Variants in DSCAML1 observed in about 807,000 individuals in gnomAD.
DSCAML1 encodes the protein DS cell adhesion molecule like 1, also known as cell adhesion molecule DSCAML1.
DSCAML1 carries 38 observed loss-of-function variants against 200.5 expected under a neutral mutation model. The observed-to-expected ratio is 0.19, with a 90% CI of 0.15 to 0.25. The LOEUF (loss-of-function observed/expected upper bound fraction) is 0.25, where lower values mean the gene tolerates loss of function less well. Ranked by LOEUF, DSCAML1 falls within the 10% of genes least tolerant of loss-of-function variation. DSCAML1 has a pLI of 1.00. For synonymous variants in DSCAML1, 1,215 were observed against 1,165.0 expected, an observed-to-expected ratio of 1.04 and a Z score of -0.87; for missense variants, 2,223 against 2,858.8, an observed-to-expected ratio of 0.78 and a Z score of 5.07.
rs114677767 is a variant in DSCAML1 at position 117,436,293 on chromosome 11, C to T, written c.4721-494G>A. 1.4e-3 allele frequency among the ~76,000 whole-genome samples: 206 copies of T among 152,256 alleles called. 1 individual carries two copies. The highest frequency in any genetic ancestry group is 4.8e-3 in the African/African-American group (200 of 41,542). On this transcript the variant is annotated intron_variant, in intron 26 of 32. Transcript: ENST00000651296. ...GGGCCATATCTGTTAACCTGGGGCT[C>T]CTGTGGGGAAGCATGGCAAGTTCTC...
chr11:117,709,644 A>C (rs1476436104), intron 3 of DSCAML1: 2 of 454,516 alleles, frequency 4.4e-6, no homozygotes, highest in Admixed American at 2.4e-5. Context: ...AGGGTTACAG[A>C]ACCATAATCC....
intron 20 of DSCAML1, among the ~76,000 whole-genome samples, chr11:117,444,244 C>T (rs561137038): frequency 6.6e-6 from 1 of 152,190 alleles, no homozygotes; most frequent in Admixed American, 6.5e-5. Flanking sequence ...ATGGGCCTGC[C>T]TCGCGGTGTT....
intron 4 of DSCAML1, among the ~76,000 whole-genome samples, chr11:117,532,081 T>C (rs986278166): frequency 3.3e-5 from 5 of 150,108 alleles, no homozygotes; most frequent in Non-Finnish European, 7.4e-5. Context: ...CACTAATAGT[T>C]ACTATGTTTG....
At chr11:117,600,195 A>G (rs907744696) in intron 3 of DSCAML1, among the ~76,000 whole-genome samples, 1 of 152,182 alleles carries the variant, frequency 6.6e-6, no homozygotes, top group African/African-American at 2.4e-5. Context: ...CCACCCTCAC[A>G]TCTTCCGTTG....
chr11:117,635,957 T>C (rs1199802667), intron 3 of DSCAML1, among the ~76,000 whole-genome samples: 1 of 152,114 alleles, frequency 6.6e-6, no homozygotes, highest in Non-Finnish European at 1.5e-5. Flanking sequence ...CCTCAGCCCT[T>C]CATTTCTTTC....
Position 117,504,887 on chromosome 11 carries a change from G to T in DSCAML1, c.2182+37C>A, listed in dbSNP as rs775337426. ...AGAGCATCCTCCGTTCCCCGTCCCT[G>T]CCCTTCTTGGAGATTCTGGCTGGGC... On this transcript the variant is annotated intron_variant, in intron 10 of 32. Coordinates refer to ENST00000651296, the MANE Select transcript of DSCAML1 (RefSeq NM_020693.4). The surrounding 1 kb of genome is among the most constrained non-coding windows in gnomAD (Gnocchi z 5.0). 6.3e-7 allele frequency: 1 copy of T among 1,580,570 alleles called. No homozygotes were observed. Among genetic ancestry groups the T allele is most frequent in the South Asian group, 1.2e-5 (1 of 85,570 alleles).
intron 1 of DSCAML1, among the ~76,000 whole-genome samples, chr11:117,792,724 C>A (rs576094356): frequency 6.6e-6 from 1 of 152,260 alleles, no homozygotes; most frequent in East Asian, 1.9e-4. Flanking sequence ...GTGCACCCAC[C>A]AGGAATCTAA....
At position 117,771,161 on chromosome 11, in the gene DSCAML1, C is replaced by T. The variant is rs76885652; in HGVS notation, c.511+5630G>A. On this transcript the variant is annotated intron_variant, in intron 3 of 32. Transcript: ENST00000651296. ...CCCCTCTCTGTGCCCATCTCCCATT[C>T]GAGTTGGTGTAGATTCGTGGGAGCC... 1.6e-3 allele frequency among the ~76,000 whole-genome samples: 247 copies of T among 152,298 alleles called. 2 individuals carry two copies. Among genetic ancestry groups the T allele is most frequent in the African/African-American group, 5.7e-3 (238 of 41,566 alleles).
At chr11:117,813,948 C>G (rs1453359313) in intron 1 of DSCAML1, among the ~76,000 whole-genome samples, 7 of 152,232 alleles carry the variant, frequency 4.6e-5, no homozygotes, top group Non-Finnish European at 1.0e-4. Flanking sequence ...TGACTTGCAC[C>G]TATACGCCCA....
chr11:117,471,679 C>T (rs989479931), intron 15 of DSCAML1, among the ~76,000 whole-genome samples, 190 bp downstream of exon 15: 2 of 127,996 alleles, frequency 1.6e-5, no homozygotes, highest in Admixed American at 7.3e-5. Flanking sequence ...GTATCTAGAA[C>T]CCCGCTTGGA....
chr11:117,733,317 G>T (rs1329110231), intron 3 of DSCAML1, among the ~76,000 whole-genome samples: 1 of 152,160 alleles, frequency 6.6e-6, no homozygotes, highest in African/African-American at 2.4e-5. Context: ...AAGGAAGCAT[G>T]GTCTGGTAGC....
intron 4 of DSCAML1, among the ~76,000 whole-genome samples, chr11:117,526,903 T>A (rs1797204213): frequency 6.6e-6 from 1 of 152,148 alleles, no homozygotes; most frequent in African/African-American, 2.4e-5. Flanking sequence ...TTTGGGAGGC[T>A]GAGGTGGGAA....
chr11:117,467,193 A>ACCCCCCCCCCCCCCCCCCCCCCCCC (rs757481843), intron 16 of DSCAML1, among the ~76,000 whole-genome samples: 3 of 109,516 alleles, frequency 2.7e-5, no homozygotes, highest in Admixed American at 1.0e-4. Context: ...GTGCACACAC[A>ACCCCCCCCCCCCCCCCCCCCCCCCC]CCTCCCCCCT....
rs2054490331 is a variant in DSCAML1 at position 117,744,936 on chromosome 11, C to T, written c.511+31855G>A. 2.0e-5 allele frequency among the ~76,000 whole-genome samples: 3 copies of T among 152,372 alleles called. No homozygotes were observed. The South Asian group carries it at 6.2e-4, about 32-fold the overall frequency. On this transcript the variant is annotated intron_variant, in intron 3 of 32. Coordinates refer to ENST00000651296, the MANE Select transcript of DSCAML1 (RefSeq NM_020693.4). ...GTCTCACCCCAGCAGGGAGGGCGGGCCAACCCAGAGGACGTGCTGCCCAGA... is the reference window on the plus strand; with the variant it reads ...GTCTCACCCCAGCAGGGAGGGCGGGTCAACCCAGAGGACGTGCTGCCCAGA...
chr11:117,643,811 C>A (rs1266715494), intron 3 of DSCAML1, among the ~76,000 whole-genome samples: 3 of 152,212 alleles, frequency 2.0e-5, no homozygotes, highest in African/African-American at 4.8e-5. Flanking sequence ...CACACATCCT[C>A]TCACATGACC....
At chr11:117,532,886 A>C (rs2050107057) in intron 3 of DSCAML1, among the ~76,000 whole-genome samples, 1 of 152,028 alleles carries the variant, frequency 6.6e-6, no homozygotes, top group African/African-American at 2.4e-5. Context: ...ATGCTTTGGG[A>C]GGCTGAGGCA....
chr11:117,484,023 C>CGCCTCCCGCCCCT (rs2048985110), intron 11 of DSCAML1, among the ~76,000 whole-genome samples: 1 of 139,010 alleles, frequency 7.2e-6, no homozygotes, highest in East Asian at 2.4e-4. Flanking sequence ...GTTCCCTGCC[C>CGCCTCCCGCCCCT]GCCCCCCGCC....
intron 11 of DSCAML1, among the ~76,000 whole-genome samples, chr11:117,486,270 G>GATAATGGCGGATGT (rs2049053025): frequency 1.2e-5 from 1 of 85,882 alleles, no homozygotes; most frequent in Non-Finnish European, 2.3e-5. Context: ...GTGGTGGATG[G>GATAATGGCGGATGT]GAAAGTGGCG....
At chr11:117,694,482 G>T (rs1184356445) in intron 3 of DSCAML1, among the ~76,000 whole-genome samples, 1 of 152,076 alleles carries the variant, frequency 6.6e-6, no homozygotes, top group Non-Finnish European at 1.5e-5. Context: ...AAAATAGAGA[G>T]AAACTAAGGT....
Sources: gnomAD v4.1 joint callset for allele counts (sites outside exome capture counted in the v4.1 genomes callset) on GRCh38, gnomAD v4.1.1 for gene constraint, Gnocchi (gnomAD v3.1) non-coding constraint, MANE v1.5 for transcripts, NCBI Gene and HGNC (gene_info 2026-07-23, HGNC 2026-07-21) for gene names.